Variants in SEMA3A observed in about 807,000 individuals in gnomAD.
The protein encoded by SEMA3A is semaphorin-3A.
Under a neutral mutation model 97.9 loss-of-function variants are expected in SEMA3A, and 29 were observed. The ratio of observed to expected loss-of-function variants is 0.30; its 90% CI spans 0.22 to 0.40. SEMA3A has a LOEUF of 0.40. SEMA3A is among the 10% of genes least tolerant of loss of function. The pLI is 1.00. For missense variants in SEMA3A, 763 were observed against 951.3 expected (o/e 0.80, Z 2.60); for synonymous variants, 321 against 323.7 (o/e 0.99, Z 0.09).
At chr7:84,200,801 T>C (rs1012658471) in intron 3 of SEMA3A, among the ~76,000 whole-genome samples, 67 of 116,572 alleles carry the variant, frequency 5.7e-4, no homozygotes, top group Non-Finnish European at 1.1e-3. Context: ...TTTTTTCCTT[T>C]TTTTTTTTTT....
intron 1 of SEMA3A, among the ~76,000 whole-genome samples, chr7:84,188,163 T>G (rs1179064309): frequency 6.6e-6 from 1 of 152,174 alleles, no homozygotes; most frequent in East Asian, 1.9e-4. Flanking sequence ...CCTTAAAATG[T>G]GTGGTTCCTT....
intron 1 of SEMA3A, among the ~76,000 whole-genome samples, chr7:84,469,476 A>G (rs1315191165): frequency 6.6e-6 from 1 of 152,156 alleles, no homozygotes; most frequent in African/African-American, 2.4e-5. Flanking sequence ...TTTCACTTGG[A>G]TTTAAAGTTT....
intron 1 of SEMA3A, among the ~76,000 whole-genome samples, chr7:84,378,604 T>C (rs956012632): frequency 1.3e-5 from 2 of 152,102 alleles, no homozygotes; most frequent in African/African-American, 4.8e-5. Flanking sequence ...AAATACCTAA[T>C]GTAGATGATG....
intron 4 of SEMA3A, among the ~76,000 whole-genome samples, chr7:84,080,973 T>G (rs1042934430): frequency 6.6e-6 from 1 of 151,954 alleles, no homozygotes; most frequent in African/African-American, 2.4e-5. Flanking sequence ...AATATGAAAA[T>G]AGTAAAAATA....
chr7:84,422,534 C>G (rs1804629705), intron 1 of SEMA3A, among the ~76,000 whole-genome samples: 1 of 151,812 alleles, frequency 6.6e-6, no homozygotes, highest in African/African-American at 2.4e-5. Context: ...CTGCTCTGAT[C>G]TTAGTTATTT....
At chr7:84,141,205 A>AATTCT (rs1796281996) in intron 1 of SEMA3A, among the ~76,000 whole-genome samples, 1 of 152,110 alleles carries the variant, frequency 6.6e-6, no homozygotes, top group African/African-American at 2.4e-5. Context: ...GATGCCGAGT[A>AATTCT]TATTCTCTTA....
intron 1 of SEMA3A, among the ~76,000 whole-genome samples, chr7:84,391,082 G>A (rs1467906822): frequency 3.3e-5 from 5 of 152,258 alleles, no homozygotes; most frequent in Non-Finnish European, 5.9e-5. Context: ...CTGTTTGTTT[G>A]CGAAGTTGAA....
intron 1 of SEMA3A, among the ~76,000 whole-genome samples, chr7:84,150,815 A>G (rs1381759389): frequency 6.6e-6 from 1 of 152,004 alleles, no homozygotes; most frequent in Non-Finnish European, 1.5e-5. Context: ...AGACAGCAGT[A>G]ACCTCTGCAG....
intron 6 of SEMA3A, among the ~76,000 whole-genome samples, chr7:84,031,289 C>G (rs139649071): frequency 1.1e-4 from 16 of 152,062 alleles, no homozygotes; most frequent in African/African-American, 3.6e-4. Flanking sequence ...CCGTACCTGG[C>G]CCTGTCCAGT....
intron 1 of SEMA3A, among the ~76,000 whole-genome samples, chr7:84,433,548 T>C (rs1805044096): frequency 2.0e-5 from 3 of 152,296 alleles, no homozygotes; most frequent in African/African-American, 7.2e-5. Context: ...TGTGTGCCTA[T>C]GTCTTTATAG....
At chr7:84,106,194 G>C (rs117368638) in intron 4 of SEMA3A, among the ~76,000 whole-genome samples, 1 of 152,106 alleles carries the variant, frequency 6.6e-6, no homozygotes, top group African/African-American at 2.4e-5. Flanking sequence ...AATGATGAAC[G>C]GCATGTAGGA....
At chr7:84,162,470 G>A (rs1282202974) in intron 1 of SEMA3A, among the ~76,000 whole-genome samples, 1 of 151,958 alleles carries the variant, frequency 6.6e-6, no homozygotes. Flanking sequence ...GGCCTGGGAA[G>A]GGAGAGACAA....
At chr7:83,996,300 CTTTTTTT>C (rs35148121) in intron 12 of SEMA3A, among the ~76,000 whole-genome samples, 1 of 111,992 alleles carries the variant, frequency 8.9e-6, no homozygotes, top group African/African-American at 3.3e-5. Context: ...TACTAGTAAT[CTTTTTTT>C]TTTTTTTTTT....
intron 15 of SEMA3A, among the ~76,000 whole-genome samples, chr7:83,976,776 T>C (rs1789167417): frequency 1.3e-5 from 2 of 152,198 alleles, no homozygotes; most frequent in South Asian, 4.1e-4. Flanking sequence ...TAGTTTTTGC[T>C]TTGGTATATT....
intron 4 of SEMA3A, among the ~76,000 whole-genome samples, chr7:84,097,717 C>A (rs1794820594): frequency 6.6e-6 from 1 of 152,044 alleles, no homozygotes. Context: ...AATCTTAAAG[C>A]TGTATTTGGG....
At chr7:84,450,860 G>T (rs1805537033) in intron 1 of SEMA3A, among the ~76,000 whole-genome samples, 1 of 152,008 alleles carries the variant, frequency 6.6e-6, no homozygotes. Flanking sequence ...TAGATTATTT[G>T]TTTACTGCTA....
intron 1 of SEMA3A, among the ~76,000 whole-genome samples, chr7:84,188,083 G>A (rs757955888): frequency 2.1e-4 from 32 of 151,966 alleles, no homozygotes; most frequent in East Asian, 9.7e-4. Context: ...AGTTTCCCAC[G>A]CCACATTTCT....
chr7:84,237,218 A>G (rs1433840983), intron 3 of SEMA3A, among the ~76,000 whole-genome samples: 1 of 152,164 alleles, frequency 6.6e-6, no homozygotes, highest in African/African-American at 2.4e-5. Flanking sequence ...GAAAAGACAA[A>G]CATATGTAGG....
intron 3 of SEMA3A, among the ~76,000 whole-genome samples, chr7:84,124,827 A>G (rs1795742465): frequency 6.6e-6 from 1 of 152,084 alleles, no homozygotes; most frequent in African/African-American, 2.4e-5. Context: ...GCCATGAATC[A>G]TCTTGAAGTG....
Sources: gnomAD v4.1 joint callset for allele counts (sites outside exome capture counted in the v4.1 genomes callset) on GRCh38, gnomAD v4.1.1 for gene constraint, MANE v1.5 for transcripts, NCBI Gene and HGNC (gene_info 2026-07-23, HGNC 2026-07-21) for gene names.